Variants in KIAA1958 observed in about 807,000 individuals in gnomAD.
KIAA1958 encodes the protein uncharacterized protein KIAA1958.
KIAA1958 carries 14 observed loss-of-function variants against 47.2 expected under a neutral mutation model. That is an observed-to-expected ratio of 0.30 (90% CI 0.20 to 0.46). KIAA1958 has a LOEUF of 0.46. Ranked by LOEUF, KIAA1958 falls within the 20% of genes least tolerant of loss-of-function variation. The pLI is 1.00. For synonymous variants in KIAA1958, 354 were observed against 353.3 expected, an observed-to-expected ratio of 1.00 and a Z score of -0.02; for missense variants, 803 against 909.2, an observed-to-expected ratio of 0.88 and a Z score of 1.50.
chr9:112,587,510 T>C (rs139896653), intron 2 of KIAA1958, among the ~76,000 whole-genome samples: 15 of 152,320 alleles, frequency 9.8e-5, no homozygotes, highest in Middle Eastern at 3.4e-3. Context: ...TTCAAGGCTA[T>C]TTTATGCTTG....
chr9:112,654,384 A>G (rs1160632687), intron 3 of KIAA1958, among the ~76,000 whole-genome samples: 1 of 152,180 alleles, frequency 6.6e-6, no homozygotes, highest in Non-Finnish European at 1.5e-5. Context: ...AGGGCCAATC[A>G]GAATCCTTCT....
intron 2 of KIAA1958, among the ~76,000 whole-genome samples, chr9:112,615,131 A>AGAG (rs1476919689): frequency 6.6e-6 from 1 of 152,164 alleles, no homozygotes; most frequent in Non-Finnish European, 1.5e-5. Flanking sequence ...ATAAAAATGA[A>AGAG]GAGGAGGAGG....
At chr9:112,617,793 A>G (rs1381161679) in intron 2 of KIAA1958, 1 of 1,133,916 alleles carries the variant, frequency 8.8e-7, no homozygotes, top group South Asian at 1.7e-5. Context: ...ATAAAAGGAA[A>G]CTTTATTTCA....
chr9:112,583,245 C>T (rs751049900), intron 2 of KIAA1958, among the ~76,000 whole-genome samples: 25 of 152,178 alleles, frequency 1.6e-4, no homozygotes, highest in Admixed American at 5.2e-4. Flanking sequence ...AATGCATCCA[C>T]ATCAGACTGG....
intron 1 of KIAA1958, among the ~76,000 whole-genome samples, chr9:112,562,598 C>G (rs745766491): frequency 6.6e-6 from 1 of 152,154 alleles, no homozygotes; most frequent in African/African-American, 2.4e-5. Flanking sequence ...CTTCTGCCAC[C>G]GAGGCCCTTT....
intron 2 of KIAA1958, among the ~76,000 whole-genome samples, chr9:112,604,648 G>A (rs1836192071): frequency 6.6e-6 from 1 of 152,114 alleles, no homozygotes; most frequent in Admixed American, 6.6e-5. Context: ...GTAGGTAGAA[G>A]GGAGCTAACG....
At chr9:112,547,585 A>AG (rs1835061709) in intron 1 of KIAA1958, among the ~76,000 whole-genome samples, 1 of 16,388 alleles carries the variant, frequency 6.1e-5, no homozygotes, top group Admixed American at 5.2e-4. Context: ...AGAGACCTTA[A>AG]GACTGACAAA....
chr9:112,654,684 A>G lies in KIAA1958; in HGVS notation c.1345-4579A>G, dbSNP rs144239241. 7.3e-3 allele frequency among the ~76,000 whole-genome samples: 1,029 copies of G among 140,370 alleles called. 13 individuals are homozygous for G. Among genetic ancestry groups the G allele is most frequent in the African/African-American group, 0.026 (892 of 34,618 alleles). 92.1% of individuals were successfully genotyped at this position (140,370 alleles called of 152,430 possible). A position where few individuals can be genotyped will look rare whatever the true frequency, so the allele number is the denominator to read the frequency against. ...CAAGTAGGGAGTTGCAAGTGACAACATAAAAATCCAAAAAAAAAAAAAAAA... is the reference window on the plus strand; with the variant it reads ...CAAGTAGGGAGTTGCAAGTGACAACGTAAAAATCCAAAAAAAAAAAAAAAA... On this transcript the variant is annotated intron_variant, in intron 3 of 3. Coordinates refer to ENST00000337530, the MANE Select transcript of KIAA1958 (RefSeq NM_133465.4).
intron 1 of KIAA1958, among the ~76,000 whole-genome samples, chr9:112,510,876 C>G (rs556932578): frequency 7.2e-5 from 11 of 152,094 alleles, no homozygotes; most frequent in Non-Finnish European, 1.3e-4. Context: ...TGTGAAGAAG[C>G]AAATTGTGTA....
intron 1 of KIAA1958, among the ~76,000 whole-genome samples, chr9:112,568,964 A>T (rs1347294444): frequency 6.7e-6 from 1 of 149,566 alleles, no homozygotes; most frequent in Non-Finnish European, 1.5e-5. Flanking sequence ...AAAAAAAAAA[A>T]AAATTGACAT....
At chr9:112,568,452 T>G (rs1835467411) in intron 1 of KIAA1958, among the ~76,000 whole-genome samples, 1 of 152,198 alleles carries the variant, frequency 6.6e-6, no homozygotes, top group Non-Finnish European at 1.5e-5. Context: ...CAGTCAACAT[T>G]GTGGTAATGT....
chr9:112,657,522 G>A (rs1007754758), intron 3 of KIAA1958, among the ~76,000 whole-genome samples: 3 of 152,016 alleles, frequency 2.0e-5, no homozygotes, highest in African/African-American at 2.4e-5. Context: ...TGTATATTTA[G>A]CAATATCTCA....
intron 2 of KIAA1958, among the ~76,000 whole-genome samples, chr9:112,607,749 C>CCA (rs1554727960): frequency 5.4e-4 from 64 of 118,846 alleles, no homozygotes; most frequent in Middle Eastern, 4.4e-3. Flanking sequence ...ATATCCAAGA[C>CCA]AAAAAAAAAA....
chr9:112,634,560 C>G (rs1484539267), intron 2 of KIAA1958, among the ~76,000 whole-genome samples: 1 of 152,108 alleles, frequency 6.6e-6, no homozygotes, highest in Non-Finnish European at 1.5e-5. Context: ...GGACTATCTC[C>G]CTTCTAAATG....
chr9:112,605,551 C>T (rs910836309), intron 2 of KIAA1958, among the ~76,000 whole-genome samples: 3 of 152,154 alleles, frequency 2.0e-5, no homozygotes, highest in Non-Finnish European at 4.4e-5. Flanking sequence ...AGGTTTGTAT[C>T]ATAACAGAGC....
At chr9:112,608,350 AAAT>A (rs1328769870) in intron 2 of KIAA1958, among the ~76,000 whole-genome samples, 2 of 152,238 alleles carry the variant, frequency 1.3e-5, no homozygotes, top group African/African-American at 4.8e-5. Context: ...TAGAAAAACT[AAAT>A]AATATGATTA....
intron 1 of KIAA1958, among the ~76,000 whole-genome samples, chr9:112,518,001 GC>G (rs996385846): frequency 9.9e-5 from 15 of 152,172 alleles, no homozygotes; most frequent in African/African-American, 3.1e-4. Flanking sequence ...AACAATTTTT[GC>G]CCTTTCAAAA....
chr9:112,640,260 C>G (rs185269586), intron 2 of KIAA1958, among the ~76,000 whole-genome samples: 1 of 152,330 alleles, frequency 6.6e-6, no homozygotes, highest in African/African-American at 2.4e-5. Context: ...GTAACTCTTA[C>G]AGTTAAGCCC....
intron 1 of KIAA1958, among the ~76,000 whole-genome samples, chr9:112,488,222 C>T (rs902141687): frequency 2.0e-5 from 3 of 152,098 alleles, no homozygotes; most frequent in African/African-American, 4.8e-5. Flanking sequence ...AATTGAGTTT[C>T]CCCTCTAGGA....
Sources: gnomAD v4.1 joint callset for allele counts (sites outside exome capture counted in the v4.1 genomes callset) on GRCh38, gnomAD v4.1.1 for gene constraint, MANE v1.5 for transcripts, NCBI Gene and HGNC (gene_info 2026-07-23, HGNC 2026-07-21) for gene names.